GFRA1: variants seen among roughly 807,000 people sequenced by gnomAD.
The protein encoded by GFRA1 is GDNF family receptor alpha-1.
GFRA1 carries 16 observed loss-of-function variants against 51.6 expected under a neutral mutation model. The observed-to-expected ratio is 0.31, with a 90% confidence interval of 0.21 to 0.47. The LOEUF (loss-of-function observed/expected upper bound fraction) is 0.47. Ranked by LOEUF, GFRA1 falls within the 20% of genes least tolerant of loss-of-function variation. GFRA1 has a pLI of 1.00. For synonymous variants in GFRA1, 270 were observed against 241.3 expected (o/e 1.12, Z -1.10); for missense variants, 530 against 594.3 (o/e 0.89, Z 1.13).
At chr10:116,166,603 C>A (rs953077581) in intron 5 of GFRA1, among the ~76,000 whole-genome samples, 30 of 151,900 alleles carry the variant, frequency 2.0e-4, no homozygotes, top group Non-Finnish European at 3.7e-4. Flanking sequence ...GACCCTCGGT[C>A]TTACTGTGAA....
At chr10:116,180,783 TTCCACCACCCC>T (rs747601579) in intron 5 of GFRA1, among the ~76,000 whole-genome samples, 3 of 152,152 alleles carry the variant, frequency 2.0e-5, no homozygotes, top group Non-Finnish European at 2.9e-5. Flanking sequence ...CCCTCTGGGT[TTCCACCACCCC>T]TCCACCACCC....
chr10:116,072,066 C>A (rs1396801199), intron 9 of GFRA1, among the ~76,000 whole-genome samples: 1 of 151,710 alleles, frequency 6.6e-6, no homozygotes, highest in Non-Finnish European at 1.5e-5. Flanking sequence ...ACACCTAATC[C>A]AAAGGCTTTT....
intron 9 of GFRA1, among the ~76,000 whole-genome samples, chr10:116,086,958 C>T (rs1956126438): frequency 6.6e-6 from 1 of 152,186 alleles, no homozygotes; most frequent in African/African-American, 2.4e-5. Flanking sequence ...GCTGGGATTA[C>T]AGGCGTGCAC....
intron 5 of GFRA1, among the ~76,000 whole-genome samples, chr10:116,127,264 T>A (rs1957918442): frequency 6.6e-6 from 1 of 152,232 alleles, no homozygotes; most frequent in African/African-American, 2.4e-5. Flanking sequence ...TGCAAAATGT[T>A]CTTGCTACGA....
In GFRA1 at chr10:116,263,867, T is replaced by C. The variant is rs555370141; in HGVS notation, c.418+5636A>G. Among the ~76,000 whole-genome samples, 76 of 152,222 alleles carry C rather than the reference T, an allele frequency of 5.0e-4. 2 individuals are homozygous for C. In the South Asian group the frequency reaches 0.015, roughly 30 times the overall value. On this transcript the variant is annotated intron_variant, in intron 4 of 10. Transcript: ENST00000355422. The stretch of plus-strand genomic sequence containing the variant: ...AGGTAATTTCAGCAGGACTTGGTGA[T>C]GGGTCAGGCTGAAGGGGTTGAAGAC...
intron 2 of GFRA1, among the ~76,000 whole-genome samples, chr10:116,271,581 C>T (rs1843942858): frequency 6.6e-6 from 1 of 152,136 alleles, no homozygotes; most frequent in South Asian, 2.1e-4. Context: ...AGCGGTCCGC[C>T]GGGCGGAGAG....
At chr10:116,173,806 G>A (rs570552668) in intron 5 of GFRA1, among the ~76,000 whole-genome samples, 1 of 152,286 alleles carries the variant, frequency 6.6e-6, no homozygotes, top group East Asian at 1.9e-4. Context: ...GCCCGGCGCG[G>A]TGGCTTACGC....
intron 9 of GFRA1, among the ~76,000 whole-genome samples, chr10:116,077,725 G>GAATT (rs1469296572): frequency 6.6e-6 from 1 of 152,144 alleles, no homozygotes; most frequent in African/African-American, 2.4e-5. Context: ...ATCATTTTTT[G>GAATT]AATTAAGTTT....
At chr10:116,204,580 T>C (rs553568061) in intron 5 of GFRA1, among the ~76,000 whole-genome samples, 2 of 152,274 alleles carry the variant, frequency 1.3e-5, no homozygotes, top group Admixed American at 6.5e-5. Flanking sequence ...TCTAGTGCCA[T>C]AAGTATTACA....
chr10:116,196,692 ATATATAATATATATTATATATAGTAC>A (rs1255417290), intron 5 of GFRA1, among the ~76,000 whole-genome samples: 21 of 48,348 alleles, frequency 4.3e-4, no homozygotes, highest in African/African-American at 1.9e-3. Flanking sequence ...ATATAGTACT[ATATATAATATATATTATATATAGTAC>A]TATATATAAT....
intron 5 of GFRA1, among the ~76,000 whole-genome samples, chr10:116,157,053 G>A (rs1959222793): frequency 1.3e-5 from 2 of 152,184 alleles, no homozygotes; most frequent in Non-Finnish European, 2.9e-5. Context: ...AACCCGCATT[G>A]CTCTCCCAGA....
chr10:116,159,660 C>G (rs1342632930), intron 5 of GFRA1, among the ~76,000 whole-genome samples: 1 of 152,148 alleles, frequency 6.6e-6, no homozygotes, highest in East Asian at 1.9e-4. Context: ...TGCACTACAC[C>G]CTGCACTGCT....
intron 9 of GFRA1, among the ~76,000 whole-genome samples, chr10:116,074,852 AC>A (rs1955547359): frequency 6.6e-6 from 1 of 152,228 alleles, no homozygotes; most frequent in Admixed American, 6.5e-5. Flanking sequence ...ATTCAGGGGA[AC>A]ATGGTTGGCT....
At chr10:116,075,787 C>T (rs1437167832) in intron 9 of GFRA1, among the ~76,000 whole-genome samples, 1 of 152,114 alleles carries the variant, frequency 6.6e-6, no homozygotes, top group African/African-American at 2.4e-5. Flanking sequence ...CTCTTTCACC[C>T]AGGCTGGACT....
chr10:116,120,347 G>T (rs547717342), intron 6 of GFRA1, among the ~76,000 whole-genome samples: 1 of 152,244 alleles, frequency 6.6e-6, no homozygotes, highest in Non-Finnish European at 1.5e-5. Flanking sequence ...GAGGCAGGAG[G>T]ATCACTCCAG....
At chr10:116,180,187 A>G (rs1191220042) in intron 5 of GFRA1, among the ~76,000 whole-genome samples, 4 of 152,200 alleles carry the variant, frequency 2.6e-5, no homozygotes, top group Non-Finnish European at 5.9e-5. Flanking sequence ...GAACATTCAG[A>G]AAAAATAATG....
At chr10:116,274,267 G>A (rs1223509609), upstream of GFRA1, among the ~76,000 whole-genome samples, 2 of 152,028 alleles carry the variant, frequency 1.3e-5, no homozygotes, top group Non-Finnish European at 2.9e-5. Flanking sequence ...GGAGCCAGCC[G>A]GCAGTGCTCG....
At chr10:116,200,476 T>C (rs1964242135) in intron 5 of GFRA1, among the ~76,000 whole-genome samples, 2 of 152,248 alleles carry the variant, frequency 1.3e-5, no homozygotes, top group South Asian at 4.1e-4. Flanking sequence ...CGGAGATTAG[T>C]GAGTATGTAA....
chr10:116,079,620 T>C (rs1383249705), intron 9 of GFRA1, among the ~76,000 whole-genome samples: 1 of 152,150 alleles, frequency 6.6e-6, no homozygotes, highest in African/African-American at 2.4e-5. Flanking sequence ...GGAAAGGTGC[T>C]ACTGGTATCC....
Sources: gnomAD v4.1 joint callset for allele counts (sites outside exome capture counted in the v4.1 genomes callset) on GRCh38, gnomAD v4.1.1 for gene constraint, MANE v1.5 for transcripts, NCBI Gene and HGNC (gene_info 2026-07-23, HGNC 2026-07-21) for gene names.